The following XRCC4 variants were observed in gnomAD, a reference collection of about 807,000 sequenced individuals.
XRCC4 encodes X-ray repair cross complementing 4.
XRCC4 carries 28 observed loss-of-function variants against 39.1 expected under a neutral mutation model. The observed-to-expected ratio is 0.72, with a 90% CI of 0.53 to 0.98. The LOEUF is 0.98. Among genes scored for constraint, XRCC4 ranks in the 50% least tolerant of loss-of-function variants. The pLI is 0.00. For missense variants in XRCC4, 350 were observed against 376.4 expected (o/e 0.93, Z 0.58); for synonymous variants, 123 against 126.4 (o/e 0.97, Z 0.18).
At chr5:83,368,975 T>G in the XRCC4 span, among the ~76,000 whole-genome samples, 12 of 152,286 alleles carry the variant, frequency 7.9e-5, no homozygotes, top group South Asian at 1.0e-3. Context: ...ATATTGAAAT[T>G]CTTTTATTTT....
intron 4 of XRCC4, among the ~76,000 whole-genome samples, chr5:83,196,897 A>C (rs1750974527): frequency 6.6e-6 from 1 of 151,842 alleles, no homozygotes; most frequent in South Asian, 2.1e-4. Context: ...AAGTATATGA[A>C]AAATGGTGAC....
At chr5:83,144,727 T>C (rs1198695534) in intron 3 of XRCC4, among the ~76,000 whole-genome samples, 1 of 152,080 alleles carries the variant, frequency 6.6e-6, no homozygotes, top group African/African-American at 2.4e-5. Context: ...GTCCTGCAGA[T>C]TGGATAATTT....
intron 7 of XRCC4, among the ~76,000 whole-genome samples, chr5:83,271,368 A>G (rs1754140203): frequency 2.0e-5 from 3 of 152,196 alleles, no homozygotes; most frequent in Admixed American, 6.5e-5. Flanking sequence ...TAAGGGAAAT[A>G]ATAATGTCAA....
chr5:83,335,172 T>C (rs917814617), intron 7 of XRCC4, among the ~76,000 whole-genome samples: 4 of 151,960 alleles, frequency 2.6e-5, no homozygotes, highest in Non-Finnish European at 4.4e-5. Context: ...GATATTTGCA[T>C]TGGGTTTGTT....
chr5:83,111,447 A>G (rs1746441823), intron 3 of XRCC4, among the ~76,000 whole-genome samples: 1 of 152,086 alleles, frequency 6.6e-6, no homozygotes, highest in Non-Finnish European at 1.5e-5. Flanking sequence ...ATTTTAAAGT[A>G]TTACAGAGTT....
chr5:83,359,859 AAT>A, the XRCC4 span, among the ~76,000 whole-genome samples: 3 of 152,146 alleles, frequency 2.0e-5, no homozygotes, highest in East Asian at 5.8e-4. Context: ...TTTATAATTA[AAT>A]ATGTGTAATT....
the XRCC4 span, among the ~76,000 whole-genome samples, chr5:83,362,407 G>A: frequency 1.0e-4 from 15 of 150,370 alleles, no homozygotes; most frequent in Non-Finnish European, 1.6e-4. Context: ...TTCTTCTATA[G>A]TGACCACAAC....
intron 6 of XRCC4, among the ~76,000 whole-genome samples, chr5:83,252,672 G>T (rs1753369914): frequency 6.6e-6 from 1 of 152,000 alleles, no homozygotes; most frequent in African/African-American, 2.4e-5. Context: ...CTCAGAAATT[G>T]TGGTTTATAT....
In XRCC4 at chr5:83,351,883, A is replaced by G. The variant is rs528231477; in HGVS notation, c.894-1248A>G. ...AGGCTTTTAAAAATACTCATCACCT[A>G]AACACACTTGATATTTGGGGGTTTT... On this transcript the variant is annotated intron_variant, in intron 7 of 7. Coordinates refer to ENST00000396027, the MANE Select transcript of XRCC4 (RefSeq NM_003401.5). 3.9e-4 allele frequency among the ~76,000 whole-genome samples: 59 copies of G among 152,280 alleles called. 1 individual carries two copies. The highest frequency in any genetic ancestry group is 1.3e-3 in the African/African-American group (56 of 41,558).
chr5:83,204,748 C>G, intron 5 of XRCC4, 67 bp from the exon 6 acceptor site: 1 of 1,114,288 alleles, frequency 9.0e-7, no homozygotes, highest in South Asian at 1.6e-5. Flanking sequence ...TAATTGCTTA[C>G]TGATAAATCT....
intron 3 of XRCC4, among the ~76,000 whole-genome samples, chr5:83,148,495 A>G (rs1440477761): frequency 1.3e-5 from 2 of 152,122 alleles, no homozygotes; most frequent in African/African-American, 4.8e-5. Flanking sequence ...CTTTTCTGGG[A>G]GAGTTATTCT....
chr5:83,199,617 T>C (rs994455474), intron 4 of XRCC4, among the ~76,000 whole-genome samples: 3 of 152,012 alleles, frequency 2.0e-5, no homozygotes, highest in African/African-American at 7.3e-5. Context: ...GTTGTTTCAT[T>C]TTTGGTGTTA....
At chr5:83,329,373 A>G (rs566636304) in intron 7 of XRCC4, among the ~76,000 whole-genome samples, 1 of 152,280 alleles carries the variant, frequency 6.6e-6, no homozygotes, top group African/African-American at 2.4e-5. Context: ...AAATATTTGT[A>G]ACCCATATAG....
At chr5:83,368,575 T>C in the XRCC4 span, among the ~76,000 whole-genome samples, 1 of 152,164 alleles carries the variant, frequency 6.6e-6, no homozygotes, top group East Asian at 1.9e-4. Flanking sequence ...TAACGATGAC[T>C]AATACAGCAG....
At chr5:83,265,896 A>G (rs1753937265) in intron 7 of XRCC4, among the ~76,000 whole-genome samples, 1 of 152,070 alleles carries the variant, frequency 6.6e-6, no homozygotes, top group Non-Finnish European at 1.5e-5. Context: ...CCTTACTACA[A>G]TTCCCCTAGG....
chr5:83,109,666 T>C (rs2112394214), intron 2 of XRCC4, among the ~76,000 whole-genome samples: 1 of 152,004 alleles, frequency 6.6e-6, no homozygotes, highest in African/African-American at 2.4e-5. Context: ...GACACCATGT[T>C]TGAAGAGGTA....
At chr5:83,184,755 T>A (rs1178263652) in intron 3 of XRCC4, among the ~76,000 whole-genome samples, 1 of 152,086 alleles carries the variant, frequency 6.6e-6, no homozygotes, top group African/African-American at 2.4e-5. Context: ...CCCAGTTAGA[T>A]TTTTCTCTTT....
intron 3 of XRCC4, among the ~76,000 whole-genome samples, chr5:83,175,370 A>G (rs1425439870): frequency 2.0e-5 from 3 of 152,098 alleles, no homozygotes; most frequent in Admixed American, 2.0e-4. Context: ...TTTACATCCC[A>G]TAATAGGAAT....
At chr5:83,242,237 G>A (rs1164404537) in intron 6 of XRCC4, among the ~76,000 whole-genome samples, 3 of 150,562 alleles carry the variant, frequency 2.0e-5, no homozygotes, top group African/African-American at 7.3e-5. Flanking sequence ...ACTTACCCTT[G>A]TTTGTTCCTG....
Sources: gnomAD v4.1 joint callset for allele counts (sites outside exome capture counted in the v4.1 genomes callset) on GRCh38, gnomAD v4.1.1 for gene constraint, MANE v1.5 for transcripts, NCBI Gene and HGNC (gene_info 2026-07-23, HGNC 2026-07-21) for gene names.